SLCO1B3: variants seen among roughly 807,000 people sequenced by gnomAD.
SLCO1B3 encodes the protein solute carrier organic anion transporter family member 1B3, also known as liver-specific organic anion transporter 2.
In SLCO1B3, 72 loss-of-function variants were observed where a neutral mutation model predicts 71.8. That is an observed-to-expected ratio of 1.00 (90% confidence interval 0.83 to 1.22). The LOEUF is 1.22. SLCO1B3 is among the 50% of genes most tolerant of loss of function. SLCO1B3 has a pLI of 0.00. For synonymous variants in SLCO1B3, 298 were observed against 278.4 expected (o/e 1.07, Z -0.70); for missense variants, 911 against 819.7 (o/e 1.11, Z -1.36).
At chr12:20,847,131 T>TC (rs1343945730) in intron 3 of SLCO1B3, among the ~76,000 whole-genome samples, 2 of 152,078 alleles carry the variant, frequency 1.3e-5, no homozygotes, top group Non-Finnish European at 2.9e-5. Context: ...GGTAGTAGAC[T>TC]CACTTGTAAA....
chr12:20,916,339 A>G lies in SLCO1B3; in HGVS notation c.*92A>G. 7.5e-6 allele frequency: 9 copies of G among 1,207,772 alleles called. No individual in the cohort carries two copies. The highest frequency in any genetic ancestry group is 1.1e-5 in the Non-Finnish European group (9 of 843,310). 74.8% of individuals were successfully genotyped at this position (1,207,772 alleles called of 1,614,324 possible). On this transcript the variant is annotated 3_prime_UTR_variant, in exon 16 of 16. Transcript: ENST00000381545. ...TTCTTTACTTACAGTGGACCAATGG[A>G]TAAGTCTATGCATCTATAATAAACT...
intron 3 of SLCO1B3, among the ~76,000 whole-genome samples, chr12:20,834,322 CA>C (rs1170364636): frequency 7.0e-6 from 1 of 143,196 alleles, no homozygotes; most frequent in African/African-American, 2.5e-5. Flanking sequence ...TGTATATATA[CA>C]TATATATGTT....
Position 20,862,856 on chromosome 12 carries a change from TA to T in SLCO1B3, c.727+4del. ...TGGATATTGGATATGTAGATCTGAG[TA>T]AGTACAATTAGAACAAGGTACCATG... On this transcript the variant is annotated splice_donor_region_variant and intron_variant, in intron 8 of 15. Transcript: ENST00000381545. 1 of 1,499,840 alleles carries T rather than the reference TA, an allele frequency of 6.7e-7. No homozygotes were observed. Among genetic ancestry groups the T allele is most frequent in the Non-Finnish European group, 9.3e-7 (1 of 1,077,262 alleles). The allele number at this position is 1,499,840 out of a possible 1,614,324, so 92.9% of individuals were successfully genotyped here. A position where few individuals can be genotyped will look rare whatever the true frequency, so the allele number is the denominator to read the frequency against.
chr12:20,864,122 G>C (rs1421137341), intron 8 of SLCO1B3, among the ~76,000 whole-genome samples: 1 of 151,938 alleles, frequency 6.6e-6, no homozygotes, highest in African/African-American at 2.4e-5. Context: ...TTTAAAATTG[G>C]AAAAACTTTT....
chr12:20,826,124 G>A (rs145796536), intron 3 of SLCO1B3, among the ~76,000 whole-genome samples: 7 of 152,112 alleles, frequency 4.6e-5, no homozygotes, highest in Non-Finnish European at 8.8e-5. Flanking sequence ...GAAAGAGTGT[G>A]TTCCGGGTGA....
intron 3 of SLCO1B3, among the ~76,000 whole-genome samples, chr12:20,817,823 C>T (rs2121076628): frequency 6.6e-6 from 1 of 152,082 alleles, no homozygotes; most frequent in South Asian, 2.1e-4. Context: ...ATCTCCTGAC[C>T]TCGTGATCCG....
At chr12:20,869,637 T>C (rs1325651148) in intron 8 of SLCO1B3, among the ~76,000 whole-genome samples, 1 of 152,196 alleles carries the variant, frequency 6.6e-6, no homozygotes, top group African/African-American at 2.4e-5. Flanking sequence ...TGGCAAAGTT[T>C]AACCACGTTA....
At chr12:20,879,693 G>A in intron 11 of SLCO1B3, 62 bp downstream of exon 11, 1 of 1,103,376 alleles carries the variant, frequency 9.1e-7, no homozygotes, top group Non-Finnish European at 1.3e-6. Flanking sequence ...AAGATTATGT[G>A]CAAGTAAAAT....
At position 20,815,770 on chromosome 12, in the gene SLCO1B3, C is replaced by T. The variant is rs760883363; in HGVS notation, c.32C>T (p.Ala11Val). 1.3e-6 allele frequency: 2 copies of T among 1,598,550 alleles called. No homozygotes were observed. The highest frequency in any genetic ancestry group is 2.3e-5 in the South Asian group (2 of 88,272). ...CAACATCAACATTTGAATAAAACAG[C>T]AGAGTCAGCATCTTCAGAGAAAAAG... MDQHQHLNKT[A>V]ESASSEKKKT... is the part of the protein sequence containing the mutation. Residue 11 changes from alanine (A) to valine (V), a missense_variant, in exon 3 of 16, where the codon GCA (alanine) becomes GTA (valine). Coordinates refer to ENST00000381545, the MANE Select transcript of SLCO1B3 (RefSeq NM_019844.4).
chr12:20,845,226 C>A, intron 3 of SLCO1B3: 1 of 454,486 alleles, frequency 2.2e-6, no homozygotes, highest in South Asian at 1.8e-5. Context: ...TTAAGATGGT[C>A]TTGTATGATT....
At chr12:20,831,300 T>C (rs1191771863) in intron 3 of SLCO1B3, among the ~76,000 whole-genome samples, 2 of 131,696 alleles carry the variant, frequency 1.5e-5, no homozygotes, top group Non-Finnish European at 3.1e-5. Flanking sequence ...GAGGTTGAAG[T>C]GAGCCGAGAT....
intron 5 of SLCO1B3, 179 bp downstream of exon 5, chr12:20,858,750 ATTTC>A (rs1865193515): frequency 2.5e-5 from 10 of 404,520 alleles, no homozygotes; most frequent in Admixed American, 8.3e-5. Flanking sequence ...TTCATCATGT[ATTTC>A]TTTATTTATC....
intron 13 of SLCO1B3, among the ~76,000 whole-genome samples, chr12:20,895,630 G>A (rs1047585374): frequency 2.6e-5 from 4 of 152,034 alleles, no homozygotes; most frequent in East Asian, 3.9e-4. Context: ...CTGCCTTCTC[G>A]GGTTGGCGTT....
At chr12:20,858,769 C>T (rs1445530614) in intron 5 of SLCO1B3, 198 bp downstream of exon 5, 2 of 342,402 alleles carry the variant, frequency 5.8e-6, no homozygotes, top group African/African-American at 4.2e-5. Flanking sequence ...TTTATCATGG[C>T]TTTTATAAAC....
intron 3 of SLCO1B3, among the ~76,000 whole-genome samples, chr12:20,838,845 GTTC>G (rs1431456475): frequency 4.0e-5 from 6 of 151,134 alleles, no homozygotes; most frequent in African/African-American, 1.5e-4. Context: ...TTTCTGTCTT[GTTC>G]TTCTTTGTTT....
At chr12:20,833,006 T>G (rs921820059) in intron 3 of SLCO1B3, among the ~76,000 whole-genome samples, 2 of 152,178 alleles carry the variant, frequency 1.3e-5, no homozygotes, top group African/African-American at 4.8e-5. Flanking sequence ...TGAACTAAAC[T>G]CAGGGGGTTG....
chr12:20,899,854 T>C (rs1866094307), intron 14 of SLCO1B3, among the ~76,000 whole-genome samples: 2 of 152,214 alleles, frequency 1.3e-5, no homozygotes, highest in Admixed American at 1.3e-4. Context: ...ATGTCCAATA[T>C]ATGGCACAAT....
At chr12:20,849,166 T>C (rs1201477626) in intron 3 of SLCO1B3, among the ~76,000 whole-genome samples, 3 of 152,008 alleles carry the variant, frequency 2.0e-5, no homozygotes. Context: ...TAAAAAATTT[T>C]TCAAGAAAAT....
intron 15 of SLCO1B3, among the ~76,000 whole-genome samples, chr12:20,911,292 A>G (rs1440599562): frequency 6.6e-6 from 1 of 152,178 alleles, no homozygotes; most frequent in Non-Finnish European, 1.5e-5. Context: ...TAAACCTGAA[A>G]TACATTCCAC....
Sources: allele counts gnomAD v4.1 joint callset (sites outside exome capture counted in the v4.1 genomes callset), GRCh38; gene constraint gnomAD v4.1.1; transcripts MANE v1.5; gene names NCBI Gene and HGNC (gene_info 2026-07-23, HGNC 2026-07-21).